The following CDH20 variants were observed in gnomAD, a reference collection of about 807,000 sequenced individuals.
CDH20 encodes the protein cadherin-20.
Under a neutral mutation model 74.2 loss-of-function variants are expected in CDH20, and 29 were observed. The observed-to-expected ratio is 0.39, with a 90% CI of 0.29 to 0.53. The LOEUF (loss-of-function observed/expected upper bound fraction) is 0.53. CDH20 is among the 20% of genes least tolerant of loss of function. The pLI is 0.69. For missense variants in CDH20, 988 were observed against 1,048.3 expected, an observed-to-expected ratio of 0.94 and a Z score of 0.79; for synonymous variants, 469 against 405.4, an observed-to-expected ratio of 1.16 and a Z score of -1.88.
chr18:61,501,898 T>C (rs1568166809), intron 4 of CDH20, among the ~76,000 whole-genome samples: 1 of 152,156 alleles, frequency 6.6e-6, no homozygotes, highest in Non-Finnish European at 1.5e-5. Context: ...GGGGGGCATC[T>C]GTAGTGTTAA....
intron 1 of CDH20, among the ~76,000 whole-genome samples, chr18:61,358,042 A>G (rs1471432764): frequency 6.6e-6 from 1 of 151,650 alleles, no homozygotes; most frequent in African/African-American, 2.4e-5. Context: ...AGGAGGCCTT[A>G]TCCAATCCCT....
chr18:61,549,912 C>T, intron 10 of CDH20, 66 bp from the exon 11 acceptor site: 2 of 1,550,244 alleles, frequency 1.3e-6, no homozygotes, highest in Non-Finnish European at 1.8e-6. Context: ...TGCCCCCTTG[C>T]TTTCCTCAAT....
intron 1 of CDH20, among the ~76,000 whole-genome samples, chr18:61,347,379 G>T (rs1040531118): frequency 6.9e-6 from 1 of 145,704 alleles, no homozygotes. Flanking sequence ...AATTAGCCGG[G>T]TGTGGTAGCA....
At chr18:61,531,789 C>A (rs1912652654) in intron 7 of CDH20, among the ~76,000 whole-genome samples, 2 of 152,092 alleles carry the variant, frequency 1.3e-5, no homozygotes, top group Non-Finnish European at 2.9e-5. Flanking sequence ...CTCACGAGAT[C>A]TGATGGTTTT....
chr18:61,486,909 A>G (rs1002116926), intron 1 of CDH20, among the ~76,000 whole-genome samples: 3 of 152,210 alleles, frequency 2.0e-5, no homozygotes, highest in Non-Finnish European at 4.4e-5. Context: ...TCAGAGCAAG[A>G]CCATAAAAGC....
chr18:61,420,911 G>A (rs781624693), intron 1 of CDH20, among the ~76,000 whole-genome samples: 6 of 152,026 alleles, frequency 3.9e-5, no homozygotes, highest in Admixed American at 2.6e-4. Flanking sequence ...AAAACTAGCT[G>A]GGCGTGTGGC....
chr18:61,375,208 G>T (rs910651324), intron 1 of CDH20, among the ~76,000 whole-genome samples: 1 of 152,210 alleles, frequency 6.6e-6, no homozygotes, highest in African/African-American at 2.4e-5. Context: ...CTGATATAGC[G>T]GTAGCAGATA....
intron 1 of CDH20, among the ~76,000 whole-genome samples, chr18:61,477,953 C>A (rs1314391934): frequency 1.3e-5 from 2 of 152,092 alleles, no homozygotes; most frequent in Non-Finnish European, 2.9e-5. Context: ...GTAATCCCAG[C>A]ACTTTGGGAG....
rs759748535 is a variant in CDH20, at chr18:61,490,793, C to T, written c.240C>T (p.Val80=). The T allele has an allele frequency of 1.5e-5, 24 of 1,613,822 alleles. No individual in the cohort carries two copies. Among genetic ancestry groups the T allele is most frequent in the East Asian group, 1.1e-4 (5 of 44,872 alleles). The part of the protein sequence containing the change: ...EEYTGTDPLY[V]GKLHSDMDRG... ...ACACTGGGACCGACCCTTTGTATGT[C>T]GGCAAGGTAAGAAATGCCAAGTAGA... The change falls in exon 2 of 12, where the codon GTC becomes GTT. Residue 80 remains valine (V), a synonymous_variant. Transcript: ENST00000262717.
At chr18:61,459,331 G>A (rs1909688604) in intron 1 of CDH20, among the ~76,000 whole-genome samples, 1 of 152,102 alleles carries the variant, frequency 6.6e-6, no homozygotes, top group Admixed American at 6.6e-5. Flanking sequence ...AATTAAAAAT[G>A]TTTGTTCTGC....
At chr18:61,366,403 T>A (rs1910861947) in intron 1 of CDH20, among the ~76,000 whole-genome samples, 1 of 152,202 alleles carries the variant, frequency 6.6e-6, no homozygotes, top group African/African-American at 2.4e-5. Context: ...TTTATTAAAG[T>A]ACATCAGTTA....
At chr18:61,536,438 T>C in intron 7 of CDH20, 55 bp from the exon 8 acceptor site, 2 of 1,479,716 alleles carry the variant, frequency 1.4e-6, no homozygotes, top group South Asian at 1.2e-5. Flanking sequence ...TCATGTGGTA[T>C]GCTGTCATAT....
intron 1 of CDH20, 117 bp from the exon 2 acceptor site, chr18:61,490,285 G>T: frequency 2.6e-6 from 1 of 377,728 alleles, no homozygotes; most frequent in African/African-American, 2.0e-5. Flanking sequence ...AACCTGTTAT[G>T]ACTTTTTAAC....
rs920976479 is a variant in CDH20, at chr18:61,414,763, AT to A, written c.-152-75632del. Reference sequence around the variant, plus strand: ...CATGATTGTCAGAGAAGAGGCGAGAATTTTTTTATGTTTATTAAAATAATTA... The same window carrying A: ...CATGATTGTCAGAGAAGAGGCGAGAATTTTTTATGTTTATTAAAATAATTA... On this transcript the variant is annotated intron_variant, in intron 1 of 11. Coordinates refer to ENST00000262717, the MANE Select transcript of CDH20 (RefSeq NM_031891.4). 2.0e-4 allele frequency among the ~76,000 whole-genome samples: 30 copies of A among 152,064 alleles called. No homozygotes were observed. In the East Asian group the frequency reaches 3.9e-3, roughly 20 times the overall value.
At chr18:61,491,174 G>A (rs78379543) in intron 2 of CDH20, among the ~76,000 whole-genome samples, 16,894 of 152,176 alleles carry the variant, frequency 0.11, 1,099 homozygotes, top group South Asian at 0.25. Flanking sequence ...TTGTGTTTTT[G>A]TGGGGTTTTT....
At chr18:61,451,595 TTTAA>T (rs1909388720) in intron 1 of CDH20, among the ~76,000 whole-genome samples, 1 of 152,114 alleles carries the variant, frequency 6.6e-6, no homozygotes, top group Admixed American at 6.5e-5. Context: ...GAGTTTTTAA[TTTAA>T]TTAATAATTT....
intron 1 of CDH20, among the ~76,000 whole-genome samples, chr18:61,464,209 T>C (rs1909881590): frequency 6.6e-6 from 1 of 152,138 alleles, no homozygotes; most frequent in African/African-American, 2.4e-5. Flanking sequence ...ATGCTTTATG[T>C]AAGCTCAGAG....
intron 1 of CDH20, among the ~76,000 whole-genome samples, chr18:61,354,082 G>A (rs1035836560): frequency 6.6e-6 from 1 of 151,760 alleles, no homozygotes; most frequent in African/African-American, 2.4e-5. Context: ...GAAAAAGAAG[G>A]CTTTCAGTTT....
chr18:61,471,104 C>T (rs1252143823), intron 1 of CDH20, among the ~76,000 whole-genome samples: 1 of 152,120 alleles, frequency 6.6e-6, no homozygotes, highest in African/African-American at 2.4e-5. Flanking sequence ...AATAGTACTT[C>T]TTTTTGAAAT....
Sources: allele counts gnomAD v4.1 joint callset (sites outside exome capture counted in the v4.1 genomes callset), GRCh38; gene constraint gnomAD v4.1.1; transcripts MANE v1.5; gene names NCBI Gene and HGNC (gene_info 2026-07-23, HGNC 2026-07-21).